KIF1B: variants seen among roughly 807,000 people sequenced by gnomAD.
The protein encoded by KIF1B is kinesin family member 1B, also known as kinesin-like protein KIF1B.
Under a neutral mutation model 241.9 loss-of-function variants are expected in KIF1B, and 76 were observed. That is an observed-to-expected ratio of 0.31 (90% CI 0.26 to 0.38). The LOEUF (loss-of-function observed/expected upper bound fraction) is 0.38. Among genes scored for constraint, KIF1B ranks in the 10% least tolerant of loss-of-function variants. The probability of loss-of-function intolerance (pLI) is 1.00; values close to 1 mark genes in which losing one functional copy is unlikely to be tolerated. For missense variants in KIF1B, 1,622 were observed against 2,271.4 expected, an observed-to-expected ratio of 0.71 and a Z score of 5.81; for synonymous variants, 750 against 796.7, an observed-to-expected ratio of 0.94 and a Z score of 0.99.
Position 10,339,748 on chromosome 1 carries a change from CTT to C in KIF1B, c.3423-17_3423-16del. The C allele has an allele frequency of 3.1e-6, 5 of 1,605,722 alleles. No individual in the cohort carries two copies. In the East Asian group the frequency reaches 6.7e-5, roughly 22 times the overall value. ...ACCGTTTAATGCATTGTTCACGAGT[CTT>C]TTTATTTTTTTTATGAAGCTTTTTG... On this transcript the variant is annotated intron_variant, in intron 31 of 48. Transcript: ENST00000676179.
chr1:10,282,121 GGATACCAC>G (rs1173121950), intron 14 of KIF1B, among the ~76,000 whole-genome samples, 193 bp from the exon 15 acceptor site: 1 of 152,194 alleles, frequency 6.6e-6, no homozygotes, highest in Non-Finnish European at 1.5e-5. Flanking sequence ...TGAACCTGTA[GGATACCAC>G]TATTAAAGAC....
intron 24 of KIF1B, 57 bp downstream of exon 24, chr1:10,321,914 C>T: frequency 6.3e-7 from 1 of 1,598,478 alleles, no homozygotes; most frequent in South Asian, 1.1e-5. Flanking sequence ...GCTGTGGGTG[C>T]ATCTGGGTTC....
intron 15 of KIF1B, among the ~76,000 whole-genome samples, chr1:10,285,500 A>G (rs1425444219): frequency 6.6e-6 from 1 of 152,210 alleles, no homozygotes; most frequent in Non-Finnish European, 1.5e-5. Flanking sequence ...CTAAAGCAAG[A>G]CAAAACTGTA....
At chr1:10,373,294 C>T (rs868394165) in intron 45 of KIF1B, among the ~76,000 whole-genome samples, 60 of 135,412 alleles carry the variant, frequency 4.4e-4, no homozygotes, top group Non-Finnish European at 7.1e-4. Context: ...CTCACTCTGT[C>T]GCCCAGGCTG....
Position 10,334,540 on chromosome 1 carries a change from A to G in KIF1B, c.2945A>G (p.Asn982Ser). Residue 982 changes from asparagine (N) to serine (S), a missense_variant, in exon 28 of 49, where the codon AAT (asparagine) becomes AGT (serine). Coordinates refer to ENST00000676179, the MANE Select transcript of KIF1B (RefSeq NM_001365951.3). ...LVGRAFVYLS[N>S]LLYPVPLIHR... ...TTTAGGGCATTTGTTTACCTGAGCA[A>G]TCTGCTGTATCCCGTGCCCCTGATC... 6.2e-7 allele frequency: 1 copy of G among 1,613,846 alleles called. No homozygotes were observed. Among genetic ancestry groups the G allele is most frequent in the East Asian group, 2.2e-5 (1 of 44,876 alleles).
intron 25 of KIF1B, 93 bp from the exon 26 acceptor site, chr1:10,324,665 T>C: frequency 1.4e-6 from 2 of 1,470,716 alleles, no homozygotes; most frequent in South Asian, 1.2e-5. Context: ...TTTTTTTTTT[T>C]TGAAGAAAAT....
chr1:10,264,008 T>G (rs1308474427), intron 5 of KIF1B, among the ~76,000 whole-genome samples: 10 of 152,230 alleles, frequency 6.6e-5, no homozygotes, highest in Admixed American at 6.5e-4. Flanking sequence ...GGATGTCATT[T>G]TGACTAAGTT....
chr1:10,283,231 AGATAAAGTT>A (rs1557686881), intron 15 of KIF1B, among the ~76,000 whole-genome samples: 2 of 89,390 alleles, frequency 2.2e-5, no homozygotes, highest in East Asian at 3.3e-4. Context: ...AAAAAAAAAA[AGATAAAGTT>A]AGAACATTTG....
chr1:10,351,194 T>C (rs963464739), intron 37 of KIF1B, among the ~76,000 whole-genome samples: 1 of 152,078 alleles, frequency 6.6e-6, no homozygotes, highest in Non-Finnish European at 1.5e-5. Context: ...ATTTAGTTTT[T>C]TTTTTAACTT....
At chr1:10,315,810 C>T (rs1651278265) in intron 22 of KIF1B, among the ~76,000 whole-genome samples, 1 of 151,152 alleles carries the variant, frequency 6.6e-6, no homozygotes, top group Non-Finnish European at 1.5e-5. Flanking sequence ...AATCCCAGCG[C>T]TTTGGGAGGC....
At chr1:10,228,869 GTAA>G (rs1373387067) in intron 1 of KIF1B, among the ~76,000 whole-genome samples, 1 of 152,164 alleles carries the variant, frequency 6.6e-6, no homozygotes, top group Non-Finnish European at 1.5e-5. Context: ...AATAATGTTG[GTAA>G]TAATACAAGG....
chr1:10,239,177 C>T (rs1029216340), intron 2 of KIF1B, among the ~76,000 whole-genome samples: 2 of 152,168 alleles, frequency 1.3e-5, no homozygotes, highest in Non-Finnish European at 2.9e-5. Context: ...CTGGTCCCAA[C>T]TCTTGGGCTC....
At position 10,374,116 on chromosome 1, in the gene KIF1B, C is replaced by G. The variant is rs768410907; in HGVS notation, c.4947-200C>G. ...AATGATCAATTTCCTTTCATAACTTCAGAAGGATGACACCAGTTGAACGCA... is the reference window on the plus strand; with the variant it reads ...AATGATCAATTTCCTTTCATAACTTGAGAAGGATGACACCAGTTGAACGCA... On this transcript the variant is annotated intron_variant, in intron 45 of 48. Coordinates refer to ENST00000676179, the MANE Select transcript of KIF1B (RefSeq NM_001365951.3). The surrounding 1 kb of genome is among the most constrained non-coding windows in gnomAD (Gnocchi z 4.3). Among the ~76,000 whole-genome samples the G allele has an allele frequency of 2.6e-4, 39 of 152,198 alleles. No homozygotes were observed. The highest frequency in any genetic ancestry group is 4.4e-4 in the Non-Finnish European group (30 of 68,038).
At chr1:10,304,578 G>A (rs1186469668) in intron 22 of KIF1B, 1 of 1,613,984 alleles carries the variant, frequency 6.2e-7, no homozygotes, top group Non-Finnish European at 8.5e-7. Context: ...GCCAGTTTGT[G>A]ACACCTCCGC....
Position 10,326,411 on chromosome 1 carries a change from A to C in KIF1B, c.2924+52A>C. ...GAAAAGGGACCAGCTCTTGCTCTGA[A>C]GGCCTCCCTGCTTGCACAATTTTGG... On this transcript the variant is annotated intron_variant, in intron 27 of 48. Coordinates refer to ENST00000676179, the MANE Select transcript of KIF1B (RefSeq NM_001365951.3). The surrounding 1 kb of genome is among the most constrained non-coding windows in gnomAD (Gnocchi z 5.2). 1 of 1,611,984 alleles carries C rather than the reference A, an allele frequency of 6.2e-7. No individual in the cohort carries two copies. Among genetic ancestry groups the C allele is most frequent in the Non-Finnish European group, 8.5e-7 (1 of 1,179,440 alleles).
chr1:10,227,099 G>A (rs1257748609), intron 1 of KIF1B, among the ~76,000 whole-genome samples: 3 of 139,636 alleles, frequency 2.1e-5, no homozygotes, highest in Admixed American at 7.7e-5. Flanking sequence ...GCAGTGGTGC[G>A]ATCTCAGCTC....
rs548543276 is a variant in KIF1B at position 10,305,685 on chromosome 1, TCAAA to T, written c.2115+8443_2115+8446del. On this transcript the variant is annotated intron_variant, in intron 22 of 48. Transcript: ENST00000676179. ...TAGCATTAGTAATGCTTGTAGACACTCAAACAAGGAAGGCGAAGTCCTGATGATG... is the reference window on the plus strand; with the variant it reads ...TAGCATTAGTAATGCTTGTAGACACTCAAGGAAGGCGAAGTCCTGATGATG... The T allele has an allele frequency of 2.0e-4, 209 of 1,058,078 alleles. No homozygotes were observed. The African/African-American group carries it at 3.0e-3, about 15-fold the overall frequency. 65.5% of individuals were successfully genotyped at this position (1,058,078 alleles called of 1,614,324 possible). A position where few individuals can be genotyped will look rare whatever the true frequency, so the allele number is the denominator to read the frequency against.
intron 1 of KIF1B, among the ~76,000 whole-genome samples, chr1:10,220,417 A>AGAT (rs1402372302): frequency 6.8e-6 from 1 of 147,408 alleles, no homozygotes; most frequent in African/African-American, 2.5e-5. Context: ...ATAGATAGAT[A>AGAT]GATAGATAGA....
intron 17 of KIF1B, among the ~76,000 whole-genome samples, chr1:10,292,918 G>A (rs924998452): frequency 2.1e-4 from 32 of 152,174 alleles, no homozygotes; most frequent in African/African-American, 7.7e-4. Flanking sequence ...ACCTCACATT[G>A]GCTATTGGAG....
Sources: allele counts gnomAD v4.1 joint callset (sites outside exome capture counted in the v4.1 genomes callset), GRCh38; gene constraint gnomAD v4.1.1; non-coding constraint Gnocchi (gnomAD v3.1); transcripts MANE v1.5; gene names NCBI Gene and HGNC (gene_info 2026-07-23, HGNC 2026-07-21).